The following LCORL variants were observed in gnomAD, a reference collection of about 807,000 sequenced individuals.
The protein encoded by LCORL is ligand-dependent nuclear receptor corepressor-like protein.
In LCORL, 41 loss-of-function variants were observed where a neutral mutation model predicts 141.8. The observed-to-expected ratio is 0.29, with a 90% CI of 0.23 to 0.38. The LOEUF (loss-of-function observed/expected upper bound fraction) is 0.38, where lower values mean the gene tolerates loss of function less well. LCORL is among the 10% of genes least tolerant of loss of function. LCORL has a pLI of 1.00. For synonymous variants in LCORL, 618 were observed against 694.1 expected, an observed-to-expected ratio of 0.89 and a Z score of 1.72; for missense variants, 1,759 against 2,035.0, an observed-to-expected ratio of 0.86 and a Z score of 2.61.
exon 8 of LCORL, chr4:17,841,841 A>C (rs574463223): frequency 6.5e-6 from 1 of 154,100 alleles, no homozygotes; most frequent in East Asian, 1.9e-4. Flanking sequence ...GTTATTTTAC[A>C]AGAAGCCATT....
intron 4 of LCORL, among the ~76,000 whole-genome samples, chr4:17,959,164 T>A (rs1032302294): frequency 2.0e-5 from 3 of 152,042 alleles, no homozygotes; most frequent in African/African-American, 7.2e-5. Context: ...ATAAGGGAAT[T>A]AATCACTGAA....
chr4:17,855,237 A>C (rs1267453425), intron 7 of LCORL, among the ~76,000 whole-genome samples: 1 of 152,194 alleles, frequency 6.6e-6, no homozygotes, highest in Non-Finnish European at 1.5e-5. Context: ...TAAGAACAAA[A>C]AAAGACTCCC....
At chr4:18,008,661 AT>A (rs1723192146) in intron 1 of LCORL, among the ~76,000 whole-genome samples, 1 of 152,226 alleles carries the variant, frequency 6.6e-6, no homozygotes. Context: ...GGAAAATTAT[AT>A]GTGATAATAC....
intron 1 of LCORL, among the ~76,000 whole-genome samples, chr4:17,984,836 T>G (rs1718664512): frequency 6.6e-6 from 1 of 152,128 alleles, no homozygotes; most frequent in Non-Finnish European, 1.5e-5. Context: ...TCTCTAGTTC[T>G]TTTACTTGTG....
chr4:17,960,632 T>C (rs1454812859), intron 4 of LCORL, among the ~76,000 whole-genome samples: 1 of 152,114 alleles, frequency 6.6e-6, no homozygotes, highest in Non-Finnish European at 1.5e-5. Context: ...GTATGTAAAA[T>C]TATTGTTTTA....
At chr4:17,991,210 CCT>C (rs1187764708) in intron 1 of LCORL, among the ~76,000 whole-genome samples, 1 of 152,154 alleles carries the variant, frequency 6.6e-6, no homozygotes, top group Non-Finnish European at 1.5e-5. Context: ...CTCTGGTGCT[CCT>C]CTGTTTCAAT....
exon 7 of LCORL, chr4:17,875,789 G>T: frequency 8.1e-7 from 1 of 1,231,046 alleles, no homozygotes; most frequent in Non-Finnish European, 1.0e-6. Flanking sequence ...CAGTAGCACT[G>T]CTTGAATTGT....
intron 4 of LCORL, among the ~76,000 whole-genome samples, chr4:17,948,152 C>A (rs1235093152): frequency 6.6e-6 from 1 of 151,818 alleles, no homozygotes; most frequent in African/African-American, 2.4e-5. Context: ...AATATGAACA[C>A]CTGCATGGTC....
rs1469653056 is a variant in LCORL at position 17,964,604 on chromosome 4, G to A, written c.221-1555C>T. Among the ~76,000 whole-genome samples the A allele has an allele frequency of 2.6e-5, 4 of 152,016 alleles. No individual in the cohort carries two copies. The East Asian group carries it at 7.7e-4, about 29-fold the overall frequency. ...TATAATTAAAAACCCAGCTCCTATA[G>A]AACTGTAGCTATGTAGGCTTACGTA... On this transcript the variant is annotated intron_variant, in intron 2 of 7. Transcript: ENST00000635767.
intron 1 of LCORL, among the ~76,000 whole-genome samples, chr4:17,981,705 TG>T (rs1718020016): frequency 6.6e-6 from 1 of 152,134 alleles, no homozygotes; most frequent in African/African-American, 2.4e-5. Context: ...ATCACGCTCC[TG>T]CACTCTAGCC....
intron 1 of LCORL, among the ~76,000 whole-genome samples, chr4:17,995,351 A>G (rs1462068539): frequency 6.6e-6 from 1 of 152,114 alleles, no homozygotes; most frequent in Non-Finnish European, 1.5e-5. Context: ...TCCCAAACAC[A>G]AACATATAAA....
chr4:17,977,918 T>A (rs1006019580), intron 1 of LCORL, among the ~76,000 whole-genome samples: 2 of 152,180 alleles, frequency 1.3e-5, no homozygotes, highest in Non-Finnish European at 2.9e-5. Flanking sequence ...GATCACTTTT[T>A]GTGGATGGTG....
At chr4:17,999,009 CATATATAT>C (rs146713785) in intron 1 of LCORL, among the ~76,000 whole-genome samples, 31 of 99,404 alleles carry the variant, frequency 3.1e-4, no homozygotes, top group African/African-American at 1.1e-3. Context: ...TATATACACA[CATATATAT>C]ATATATATAT....
intron 1 of LCORL, among the ~76,000 whole-genome samples, chr4:18,005,166 G>A (rs1019092943): frequency 5.3e-5 from 8 of 152,034 alleles, no homozygotes; most frequent in Admixed American, 1.3e-4. Flanking sequence ...CGATCCACCC[G>A]CCTCAGCATC....
At position 17,925,451 on chromosome 4, in the gene LCORL, G is replaced by A. The variant is rs2109393810; in HGVS notation, c.431-16106C>T. ...CGGGTAAAAACCCACAGCCCACTGAGGTGCCTGCTGAAGGGAAAGGGGATA... is the reference window on the plus strand; with the variant it reads ...CGGGTAAAAACCCACAGCCCACTGAAGTGCCTGCTGAAGGGAAAGGGGATA... On this transcript the variant is annotated intron_variant, in intron 4 of 7. Transcript: ENST00000635767. Among the ~76,000 whole-genome samples, 3 of 152,264 alleles carry A rather than the reference G, an allele frequency of 2.0e-5. No individual in the cohort carries two copies. The South Asian group carries it at 6.2e-4, about 32-fold the overall frequency.
At chr4:17,948,868 A>G (rs192654414) in intron 4 of LCORL, among the ~76,000 whole-genome samples, 1 of 151,676 alleles carries the variant, frequency 6.6e-6, no homozygotes, top group African/African-American at 2.4e-5. Flanking sequence ...AGAGGAGAAA[A>G]CGGTACAGTG....
intron 7 of LCORL, among the ~76,000 whole-genome samples, chr4:17,856,372 G>A (rs957517945): frequency 1.5e-4 from 23 of 152,186 alleles, no homozygotes; most frequent in African/African-American, 5.6e-4. Context: ...TGTAAGAGGA[G>A]GAAGGGGTAC....
chr4:17,939,253 G>A (rs1416504599), intron 4 of LCORL, among the ~76,000 whole-genome samples: 2 of 152,166 alleles, frequency 1.3e-5, no homozygotes, highest in Non-Finnish European at 2.9e-5. Context: ...CACTAGAACA[G>A]CTAGTAACGG....
intron 4 of LCORL, among the ~76,000 whole-genome samples, chr4:17,949,683 T>G (rs1462945424): frequency 1.3e-5 from 2 of 152,186 alleles, no homozygotes; most frequent in African/African-American, 4.8e-5. Flanking sequence ...AAGTAGAATT[T>G]ATACTTCTTG....
Sources: allele counts gnomAD v4.1 joint callset (sites outside exome capture counted in the v4.1 genomes callset), GRCh38; gene constraint gnomAD v4.1.1; transcripts MANE v1.5; gene names NCBI Gene and HGNC (gene_info 2026-07-23, HGNC 2026-07-21).